The following LIN28B variants were observed in gnomAD, a reference collection of about 807,000 sequenced individuals.
The protein encoded by LIN28B is lin-28 RNA binding posttranscriptional regulator B.
Under a neutral mutation model 21.9 loss-of-function variants are expected in LIN28B, and 5 were observed. The ratio of observed to expected loss-of-function variants is 0.23; its 90% CI spans 0.12 to 0.48. LIN28B has a LOEUF of 0.48. Among genes scored for constraint, LIN28B ranks in the 20% least tolerant of loss-of-function variants. The pLI is 0.98. For missense variants in LIN28B, 245 were observed against 310.5 expected (o/e 0.79, Z 1.58); for synonymous variants, 109 against 111.3 (o/e 0.98, Z 0.13).
chr6:105,028,709 T>C (rs1176820074), intron 3 of LIN28B, among the ~76,000 whole-genome samples: 1 of 152,188 alleles, frequency 6.6e-6, no homozygotes, highest in African/African-American at 2.4e-5. Context: ...AGATACATAA[T>C]GCACATCCAA....
intron 2 of LIN28B, among the ~76,000 whole-genome samples, chr6:104,961,814 T>G (rs1769745168): frequency 6.6e-6 from 1 of 152,224 alleles, no homozygotes; most frequent in African/African-American, 2.4e-5. Flanking sequence ...ACAGTTAGAT[T>G]GTAGGATAAC....
intron 2 of LIN28B, among the ~76,000 whole-genome samples, chr6:105,003,389 G>A (rs1051369350): frequency 3.3e-5 from 5 of 152,190 alleles, no homozygotes; most frequent in African/African-American, 4.8e-5. Flanking sequence ...ATTTTGGCTA[G>A]GTAGAAAGTT....
At chr6:105,063,404 G>A (rs866066811) in intron 3 of LIN28B, among the ~76,000 whole-genome samples, 6 of 152,336 alleles carry the variant, frequency 3.9e-5, no homozygotes, top group South Asian at 2.1e-4. Flanking sequence ...GCAAGGCCGA[G>A]AAGGGCGGAT....
intron 2 of LIN28B, among the ~76,000 whole-genome samples, chr6:105,022,111 A>G (rs1771153887): frequency 6.6e-6 from 1 of 152,136 alleles, no homozygotes; most frequent in Non-Finnish European, 1.5e-5. Flanking sequence ...TCAAAAAAAG[A>G]TTTTTGAGAC....
At chr6:104,963,810 T>C (rs957402148) in intron 2 of LIN28B, among the ~76,000 whole-genome samples, 5 of 152,208 alleles carry the variant, frequency 3.3e-5, no homozygotes, top group Non-Finnish European at 7.3e-5. Flanking sequence ...AATTTTCAAT[T>C]CCTCTTTTAT....
At chr6:105,042,698 T>C (rs1376647386) in intron 3 of LIN28B, among the ~76,000 whole-genome samples, 2 of 152,182 alleles carry the variant, frequency 1.3e-5, no homozygotes, top group African/African-American at 4.8e-5. Flanking sequence ...GAGAGCTTTC[T>C]TTTCTGTCCT....
intron 2 of LIN28B, among the ~76,000 whole-genome samples, chr6:104,949,055 A>G (rs1778189476): frequency 6.6e-6 from 1 of 152,032 alleles, no homozygotes; most frequent in South Asian, 2.1e-4. Context: ...TTTTTTAACA[A>G]ACCCTATCTA....
At chr6:105,011,695 C>T (rs1479483178) in intron 2 of LIN28B, among the ~76,000 whole-genome samples, 4 of 151,148 alleles carry the variant, frequency 2.6e-5, no homozygotes, top group Non-Finnish European at 5.9e-5. Flanking sequence ...ACTAAAAATA[C>T]AAAAATTAGC....
chr6:105,019,636 A>C (rs963786195), intron 2 of LIN28B, among the ~76,000 whole-genome samples: 1 of 152,120 alleles, frequency 6.6e-6, no homozygotes, highest in Admixed American at 6.5e-5. Context: ...AGAGTTTCTC[A>C]GGGTTCTATT....
At chr6:105,039,388 A>G (rs1771587352) in intron 3 of LIN28B, among the ~76,000 whole-genome samples, 1 of 152,208 alleles carries the variant, frequency 6.6e-6, no homozygotes, top group Admixed American at 6.5e-5. Flanking sequence ...TCTTAGGATG[A>G]TATGGCAGTT....
intron 3 of LIN28B, among the ~76,000 whole-genome samples, chr6:105,062,718 ATTG>A (rs1241540383): frequency 1.5e-4 from 23 of 151,884 alleles, no homozygotes; most frequent in African/African-American, 5.6e-4. Flanking sequence ...GTTCCAGCTT[ATTG>A]TTCTTGGTGG....
In LIN28B at chr6:105,034,436, G is replaced by A. The variant is rs948853222; in HGVS notation, c.383+7954G>A. ...TTAAAGTGGTAATATATTTTGTTTA[G>A]AAAGAAGGCTAATAGACTGTTAAAA... On this transcript the variant is annotated intron_variant, in intron 3 of 3. Coordinates refer to ENST00000345080, the MANE Select transcript of LIN28B (RefSeq NM_001004317.4). 7.9e-5 allele frequency among the ~76,000 whole-genome samples: 12 copies of A among 151,860 alleles called. 1 individual carries two copies. Among genetic ancestry groups the A allele is most frequent in the Admixed American group, 6.6e-4 (10 of 15,262 alleles).
chr6:104,943,270 G>C (rs1019226393), intron 2 of LIN28B, among the ~76,000 whole-genome samples: 1 of 152,020 alleles, frequency 6.6e-6, no homozygotes, highest in African/African-American at 2.4e-5. Flanking sequence ...CTGCCTAAAA[G>C]TTTGATAATG....
intron 2 of LIN28B, chr6:104,941,087 G>A (rs2114538973): frequency 6.6e-6 from 1 of 152,304 alleles, no homozygotes; most frequent in East Asian, 2.0e-4. Flanking sequence ...GCCGCTCGCG[G>A]TCCCGAGTCT....
At chr6:105,008,623 G>C (rs772691706) in intron 2 of LIN28B, among the ~76,000 whole-genome samples, 2 of 146,762 alleles carry the variant, frequency 1.4e-5, no homozygotes, top group Non-Finnish European at 3.0e-5. Context: ...CAGCCTGGGC[G>C]ACAGAACGAG....
At chr6:104,997,397 A>G (rs771083523) in intron 2 of LIN28B, among the ~76,000 whole-genome samples, 1 of 152,024 alleles carries the variant, frequency 6.6e-6, no homozygotes, top group African/African-American at 2.4e-5. Flanking sequence ...TTTATATAGT[A>G]TTTCGTATAT....
chr6:104,956,629 C>T (rs1034046619), upstream of LIN28B, among the ~76,000 whole-genome samples: 12 of 151,972 alleles, frequency 7.9e-5, no homozygotes, highest in African/African-American at 2.9e-4. Flanking sequence ...TATATATTTT[C>T]CTCTAAGAAT....
At position 105,043,341 on chromosome 6, in the gene LIN28B, CAAAAAAAAAAAAAAAAAAA is replaced by C. The variant is rs57532096; in HGVS notation, c.383+16872_383+16890del. Among the ~76,000 whole-genome samples, 7 of 75,388 alleles carry C rather than the reference CAAAAAAAAAAAAAAAAAAA, an allele frequency of 9.3e-5. 1 individual carries two copies. Among genetic ancestry groups the C allele is most frequent in the South Asian group, 1.0e-3 (2 of 1,972 alleles). 49.5% of individuals were successfully genotyped at this position (75,388 alleles called of 152,430 possible). A position where few individuals can be genotyped will look rare whatever the true frequency, so the allele number is the denominator to read the frequency against. Reference sequence around the variant, plus strand: ...AGAGCAACAGAGTGAGACTCTGTCTCAAAAAAAAAAAAAAAAAAAAAAAAAAAAAAAGAAAACTAAAACT... The same window carrying C: ...AGAGCAACAGAGTGAGACTCTGTCTCAAAAAAAAAAAAGAAAACTAAAACT... On this transcript the variant is annotated intron_variant, in intron 3 of 3. Transcript: ENST00000345080.
intron 3 of LIN28B, among the ~76,000 whole-genome samples, chr6:105,072,257 T>C (rs1772346308): frequency 6.6e-6 from 1 of 152,184 alleles, no homozygotes; most frequent in Non-Finnish European, 1.5e-5. Context: ...AGATAATCTC[T>C]AAATTTCTTC....
Sources: gnomAD v4.1 joint callset for allele counts (sites outside exome capture counted in the v4.1 genomes callset) on GRCh38, gnomAD v4.1.1 for gene constraint, MANE v1.5 for transcripts, NCBI Gene and HGNC (gene_info 2026-07-23, HGNC 2026-07-21) for gene names.